The following PIWIL2 variants were observed in gnomAD, a reference collection of about 807,000 sequenced individuals.
PIWIL2 encodes piwi like RNA-mediated gene silencing 2, also known as piwi-like protein 2.
PIWIL2 carries 81 observed loss-of-function variants against 116.5 expected under a neutral mutation model. The ratio of observed to expected loss-of-function variants is 0.70; its 90% CI spans 0.58 to 0.84. The LOEUF is 0.84. PIWIL2 is among the 40% of genes least tolerant of loss of function. The pLI, the probability that PIWIL2 is intolerant of heterozygous loss-of-function variation, is 0.00. For missense variants in PIWIL2, 1,272 were observed against 1,212.3 expected, an observed-to-expected ratio of 1.05 and a Z score of -0.73; for synonymous variants, 489 against 429.5, an observed-to-expected ratio of 1.14 and a Z score of -1.71.
chr8:22,328,071 T>C (rs565031255), intron 20 of PIWIL2, among the ~76,000 whole-genome samples: 213 of 152,166 alleles, frequency 1.4e-3, no homozygotes, highest in African/African-American at 4.8e-3. Flanking sequence ...TTTCTAACAA[T>C]GTTATACTTT....
intron 19 of PIWIL2, among the ~76,000 whole-genome samples, chr8:22,317,565 C>T (rs1324366210): frequency 6.6e-6 from 1 of 152,072 alleles, no homozygotes; most frequent in African/African-American, 2.4e-5. Context: ...CCAATCCTCT[C>T]TTGGTGGATA....
At position 22,356,369 on chromosome 8, in the gene PIWIL2, G is replaced by A. The variant is rs779188177; in HGVS notation, c.*864G>A. ...AATCCTCTCTGGGGATTGAATTGAT[G>A]ACGACTGTGACTTGAGTTGGATTCG... is the stretch of plus-strand genomic sequence containing the variant. On this transcript the variant is annotated 3_prime_UTR_variant, in exon 23 of 23. Coordinates refer to ENST00000356766, the MANE Select transcript of PIWIL2 (RefSeq NM_018068.5). 6.6e-6 allele frequency: 1 copy of A among 152,182 alleles called. No individual in the cohort carries two copies. Among genetic ancestry groups the A allele is most frequent in the Non-Finnish European group, 1.5e-5 (1 of 68,030 alleles). 9.4% of individuals were successfully genotyped at this position (152,182 alleles called of 1,614,324 possible).
At chr8:22,340,501 T>TAG (rs60477348) in intron 20 of PIWIL2, among the ~76,000 whole-genome samples, 7,045 of 152,074 alleles carry the variant, frequency 0.046, 539 homozygotes, top group African/African-American at 0.16. Context: ...AAGACCAGAT[T>TAG]AGAGTGGGTC....
chr8:22,305,571 GAA>G (rs1339954011), intron 12 of PIWIL2, among the ~76,000 whole-genome samples: 1 of 152,142 alleles, frequency 6.6e-6, no homozygotes, highest in African/African-American at 2.4e-5. Context: ...TGTGAAGATT[GAA>G]GACCAGTAGG....
chr8:22,287,647 T>G lies in PIWIL2; in HGVS notation c.861+2T>G, dbSNP rs201960325. 1.9e-5 allele frequency: 29 copies of G among 1,552,360 alleles called. No homozygotes were observed. The highest frequency in any genetic ancestry group is 1.8e-6 in the Non-Finnish European group (2 of 1,123,638). The stretch of plus-strand genomic sequence containing the variant: ...TATCTGCCTGTTAAGCTTCAACAAG[T>G]GAGACCAAACAGGAAATGGACTTTG... On this transcript the variant is annotated splice_donor_variant, in intron 7 of 22. Coordinates refer to ENST00000356766, the MANE Select transcript of PIWIL2 (RefSeq NM_018068.5). LOFTEE classifies it high-confidence loss of function.
At chr8:22,330,115 G>C (rs894749124) in intron 20 of PIWIL2, among the ~76,000 whole-genome samples, 1 of 152,100 alleles carries the variant, frequency 6.6e-6, no homozygotes, top group South Asian at 2.1e-4. Context: ...AGGTTTCAGA[G>C]GCTGTCTTCA....
chr8:22,305,556 T>C (rs147257724), intron 12 of PIWIL2, among the ~76,000 whole-genome samples: 1 of 152,246 alleles, frequency 6.6e-6, no homozygotes, highest in Non-Finnish European at 1.5e-5. Context: ...CTCCTCTGTC[T>C]TAAATGTGAA....
intron 12 of PIWIL2, 127 bp downstream of exon 12, chr8:22,304,995 C>A: frequency 1.5e-6 from 1 of 671,362 alleles, no homozygotes; most frequent in Non-Finnish European, 2.7e-6. Context: ...GAAAGCTGTG[C>A]AAGTGTTTGT....
chr8:22,277,568 C>T lies in PIWIL2; in HGVS notation c.-46-1773C>T, dbSNP rs80077174. Among the ~76,000 whole-genome samples, 1,073 of 151,966 alleles carry T rather than the reference C, an allele frequency of 7.1e-3. 12 individuals carry two copies. The highest frequency in any genetic ancestry group is 0.023 in the African/African-American group (969 of 41,452). On this transcript the variant is annotated intron_variant, in intron 1 of 22. Transcript: ENST00000356766. The stretch of plus-strand genomic sequence containing the variant: ...TTAATTATTTGTAGAGACAGGGTCT[C>T]GTTGTGTTCCTAAGACTGGCCTCAA...
intron 10 of PIWIL2, among the ~76,000 whole-genome samples, chr8:22,291,871 A>C (rs559576174): frequency 1.3e-5 from 2 of 152,292 alleles, no homozygotes; most frequent in African/African-American, 4.8e-5. Context: ...GTAATAAATA[A>C]ATTGTATAGT....
Position 22,287,566 on chromosome 8 carries a change from T to G in PIWIL2, c.782T>G (p.Leu261Trp), listed in dbSNP as rs1177773375. The G allele has an allele frequency of 2.5e-6, 4 of 1,613,892 alleles. No homozygotes were observed. The highest frequency in any genetic ancestry group is 3.4e-6 in the Non-Finnish European group (4 of 1,179,748). The change falls in exon 7 of 23, where the codon TTG becomes TGG. Residue 261 changes from leucine (L) to tryptophan (W), a missense_variant. Leu to Trp is a moderately conservative substitution (Grantham distance 61). Transcript: ENST00000356766. ...TGCAAAAGCATGAGGTTCGGCATGT[T>G]GAAGGACCATCAAGCTGTCACCGGC... ...VECKSMRFGM[L>W]KDHQAVTGNV...
At chr8:22,280,646 C>T (rs1184894872) in intron 2 of PIWIL2, among the ~76,000 whole-genome samples, 2 of 152,182 alleles carry the variant, frequency 1.3e-5, no homozygotes, top group Non-Finnish European at 2.9e-5. Flanking sequence ...AAGACTGCCA[C>T]AGGAAAACAG....
intron 14 of PIWIL2, 64 bp downstream of exon 14, chr8:22,308,137 C>T: frequency 7.6e-7 from 1 of 1,310,246 alleles, no homozygotes; most frequent in South Asian, 1.6e-5. Context: ...ATTTATGTGA[C>T]TTTCCTTTTG....
intron 20 of PIWIL2, among the ~76,000 whole-genome samples, chr8:22,346,136 A>G (rs1832222090): frequency 6.6e-6 from 1 of 152,118 alleles, no homozygotes; most frequent in Admixed American, 6.5e-5. Context: ...AAGTGGGAGT[A>G]TTGCTTGAGG....
chr8:22,323,312 T>A (rs867844170), intron 20 of PIWIL2, among the ~76,000 whole-genome samples: 25 of 152,168 alleles, frequency 1.6e-4, no homozygotes, highest in Middle Eastern at 6.8e-3. Flanking sequence ...CATGCCTGGC[T>A]AATTTTTGTA....
chr8:22,310,130 T>TAC, intron 15 of PIWIL2, 56 bp downstream of exon 15: 2 of 936,594 alleles, frequency 2.1e-6, no homozygotes, highest in Non-Finnish European at 3.5e-6. Context: ...AGTGTGGGAA[T>TAC]TAGGAAGCAG....
At chr8:22,305,168 TATTC>T (rs879862034) in intron 12 of PIWIL2, among the ~76,000 whole-genome samples, 6 of 139,420 alleles carry the variant, frequency 4.3e-5, no homozygotes, top group South Asian at 2.4e-4. Flanking sequence ...AAGGTATAGA[TATTC>T]ATTTATTTAT....
chr8:22,329,066 G>A (rs1018722472), intron 20 of PIWIL2, among the ~76,000 whole-genome samples: 2 of 152,022 alleles, frequency 1.3e-5, no homozygotes, highest in Non-Finnish European at 2.9e-5. Context: ...AAAGGTTTCA[G>A]TTTTTCACCA....
At chr8:22,302,315 G>A (rs1402152981) in intron 10 of PIWIL2, among the ~76,000 whole-genome samples, 1 of 151,954 alleles carries the variant, frequency 6.6e-6, no homozygotes, top group Non-Finnish European at 1.5e-5. Flanking sequence ...CTGAGTAGCT[G>A]GGACTACAGG....
Sources: allele counts gnomAD v4.1 joint callset (sites outside exome capture counted in the v4.1 genomes callset), GRCh38; gene constraint gnomAD v4.1.1; transcripts MANE v1.5; gene names NCBI Gene and HGNC (gene_info 2026-07-23, HGNC 2026-07-21).